Variants in FAM118B observed in about 807,000 individuals in gnomAD.
The protein encoded by FAM118B is protein FAM118B.
FAM118B carries 24 observed loss-of-function variants against 38.5 expected under a neutral mutation model. The observed-to-expected ratio is 0.62, with a 90% CI of 0.45 to 0.88. The LOEUF is 0.88. Ranked by LOEUF, FAM118B falls within the 40% of genes least tolerant of loss-of-function variation. The probability of loss-of-function intolerance (pLI) is 0.00; values close to 1 mark genes in which losing one functional copy is unlikely to be tolerated. For missense variants in FAM118B, 334 were observed against 420.0 expected (o/e 0.80, Z 1.79); for synonymous variants, 138 against 156.3 (o/e 0.88, Z 0.87).
At chr11:126,225,066 C>T (rs1341576640) in intron 1 of FAM118B, among the ~76,000 whole-genome samples, 1 of 152,206 alleles carries the variant, frequency 6.6e-6, no homozygotes, top group Non-Finnish European at 1.5e-5. Context: ...ATTCCAATTT[C>T]TAGATCTCCA....
chr11:126,216,960 G>A (rs139078088), intron 1 of FAM118B, among the ~76,000 whole-genome samples: 102 of 152,320 alleles, frequency 6.7e-4, no homozygotes, highest in Non-Finnish European at 1.1e-3. Context: ...CAAGGCAGGC[G>A]CCAGCCCTGG....
In FAM118B at chr11:126,211,803, T is replaced by G. The variant is rs1395394881; in HGVS notation, c.-104T>G. On this transcript the variant is annotated 5_prime_UTR_variant, in exon 1 of 9. Coordinates refer to ENST00000533050, the MANE Select transcript of FAM118B (RefSeq NM_024556.4). ...GGCTGCGCCGGCCGGTAGCTGCAGC[T>G]GGAGCAGTGGCGTTTGGAGGAGACT... 2.8e-6 allele frequency: 2 copies of G among 705,852 alleles called. No individual in the cohort carries two copies. The highest frequency in any genetic ancestry group is 2.7e-5 in the East Asian group (1 of 36,832). 43.7% of individuals were successfully genotyped at this position (705,852 alleles called of 1,614,324 possible). A position where few individuals can be genotyped will look rare whatever the true frequency, so the allele number is the denominator to read the frequency against.
chr11:126,242,407 T>C (rs546223579), intron 4 of FAM118B, among the ~76,000 whole-genome samples: 60 of 151,776 alleles, frequency 4.0e-4, no homozygotes, highest in Non-Finnish European at 7.6e-4. Flanking sequence ...CTGGACAACA[T>C]AGTGAGACCC....
rs760144208 is a variant in FAM118B, at chr11:126,262,101, CTT to C, written c.1043-16_1043-15del. The C allele has an allele frequency of 2.7e-5, 43 of 1,613,802 alleles. No homozygotes were observed. Among genetic ancestry groups the C allele is most frequent in the Admixed American group, 1.2e-4 (7 of 59,958 alleles). ...GTTTTGTGAAACTTCATTTTGTTCT[CTT>C]TTCTTTCTCCCTACAGGCTGTAGTA... On this transcript the variant is annotated splice_polypyrimidine_tract_variant and intron_variant, in intron 8 of 8. Transcript: ENST00000533050.
intron 4 of FAM118B, among the ~76,000 whole-genome samples, chr11:126,247,661 C>T (rs1241166051): frequency 6.6e-6 from 1 of 151,966 alleles, no homozygotes; most frequent in African/African-American, 2.4e-5. Context: ...AGTTCAAGAC[C>T]AGCCTAGCCA....
Position 126,250,394 on chromosome 11 carries a change from AT to A in FAM118B, c.340-111del. The stretch of plus-strand genomic sequence containing the variant: ...GCGTGAGCCACTGCGCCTGGCCTTT[AT>A]CTCTGTTTTGAATTCAAAATATTCT... On this transcript the variant is annotated intron_variant, in intron 4 of 8. Transcript: ENST00000533050. This position sits in a 1 kb window ranked among gnomAD's most constrained non-coding sequence, Gnocchi z 5.1. The A allele has an allele frequency of 1.4e-6, 1 of 722,510 alleles. No individual in the cohort carries two copies. The highest frequency in any genetic ancestry group is 2.7e-5 in the East Asian group (1 of 37,138). The allele number at this position is 722,510 out of a possible 1,614,324, so 44.8% of individuals were successfully genotyped here.
intron 1 of FAM118B, among the ~76,000 whole-genome samples, chr11:126,228,066 C>T (rs996907105): frequency 2.6e-5 from 4 of 151,994 alleles, no homozygotes; most frequent in African/African-American, 9.7e-5. Flanking sequence ...TCCCAAAATG[C>T]TGGGATTAGG....
rs372281096 is a variant in FAM118B at position 126,215,044 on chromosome 11, G to A, written c.-77+3214G>A. Among the ~76,000 whole-genome samples, 9 of 152,322 alleles carry A rather than the reference G, an allele frequency of 5.9e-5. No individual in the cohort carries two copies. The East Asian group carries it at 1.2e-3, about 20-fold the overall frequency. Reference sequence around the variant, plus strand: ...GTTTTATGGTTTTAGAGAGATTAAAGGAGGCAATTAGCAGGAACTCTTGGG... The same window carrying A: ...GTTTTATGGTTTTAGAGAGATTAAAAGAGGCAATTAGCAGGAACTCTTGGG... On this transcript the variant is annotated intron_variant, in intron 1 of 8. Coordinates refer to ENST00000533050, the MANE Select transcript of FAM118B (RefSeq NM_024556.4).
At chr11:126,217,667 T>C (rs139419690) in intron 1 of FAM118B, among the ~76,000 whole-genome samples, 33 of 152,362 alleles carry the variant, frequency 2.2e-4, no homozygotes, top group Non-Finnish European at 4.7e-4. Context: ...AACTGCTGCC[T>C]GGGGTCCTCC....
intron 1 of FAM118B, among the ~76,000 whole-genome samples, chr11:126,228,937 T>C (rs1297419321): frequency 6.6e-6 from 1 of 152,204 alleles, no homozygotes; most frequent in Non-Finnish European, 1.5e-5. Flanking sequence ...AGAATCTGCA[T>C]TTGTACGCAG....
chr11:126,254,524 T>G, intron 6 of FAM118B, 91 bp downstream of exon 6: 1 of 1,532,310 alleles, frequency 6.5e-7, no homozygotes, highest in Middle Eastern at 1.7e-4. Flanking sequence ...ACATCTTCTT[T>G]TCATTAAGTG....
chr11:126,262,811 C>T lies in FAM118B; in HGVS notation c.*678C>T, dbSNP rs1950728899. 6.6e-6 allele frequency: 1 copy of T among 152,526 alleles called. No individual in the cohort carries two copies. Among genetic ancestry groups the T allele is most frequent in the South Asian group, 2.1e-4 (1 of 4,826 alleles). 9.4% of individuals were successfully genotyped at this position (152,526 alleles called of 1,614,324 possible). On this transcript the variant is annotated 3_prime_UTR_variant, in exon 9 of 9. Coordinates refer to ENST00000533050, the MANE Select transcript of FAM118B (RefSeq NM_024556.4). ...AGGACAACCGTTTACTTACCTGATTCCTCGGAGCATTATCAACTTCTGCTC... is the reference window on the plus strand; with the variant it reads ...AGGACAACCGTTTACTTACCTGATTTCTCGGAGCATTATCAACTTCTGCTC...
Position 126,262,305 on chromosome 11 carries a change from A to G in FAM118B, c.*172A>G. On this transcript the variant is annotated 3_prime_UTR_variant, in exon 9 of 9. Transcript: ENST00000533050. ...ATGTTGCAGCGTAATCCTTCATACC[A>G]CCTGGTTCTTGATATTCTGCCGCCT... 1.6e-6 allele frequency: 1 copy of G among 626,710 alleles called. No individual in the cohort carries two copies. Among genetic ancestry groups the G allele is most frequent in the Non-Finnish European group, 2.8e-6 (1 of 362,890 alleles). 38.8% of individuals were successfully genotyped at this position (626,710 alleles called of 1,614,324 possible). A position where few individuals can be genotyped will look rare whatever the true frequency, so the allele number is the denominator to read the frequency against.
intron 2 of FAM118B, chr11:126,233,604 C>CA (rs1163720063): frequency 2.6e-6 from 1 of 389,782 alleles, no homozygotes; most frequent in African/African-American, 2.1e-5. Context: ...CCAACAGAAT[C>CA]AAAGATTTGA....
intron 1 of FAM118B, among the ~76,000 whole-genome samples, chr11:126,219,019 A>G (rs1045460554): frequency 6.6e-6 from 1 of 152,198 alleles, no homozygotes; most frequent in Non-Finnish European, 1.5e-5. Context: ...GAATTTGCGC[A>G]TTAGTTAAAT....
intron 1 of FAM118B, among the ~76,000 whole-genome samples, chr11:126,212,130 C>T (rs1328449604): frequency 6.6e-6 from 1 of 152,332 alleles, no homozygotes; most frequent in East Asian, 1.9e-4. Flanking sequence ...TGATCGGATG[C>T]CCGGATCTCT....
chr11:126,235,849 T>C (rs1269828074), intron 3 of FAM118B, among the ~76,000 whole-genome samples: 2 of 131,824 alleles, frequency 1.5e-5, no homozygotes, highest in Non-Finnish European at 3.0e-5. Flanking sequence ...ATTTACATTA[T>C]TACGACTGTA....
intron 1 of FAM118B, among the ~76,000 whole-genome samples, chr11:126,215,463 C>G (rs941185979): frequency 3.3e-5 from 5 of 152,104 alleles, no homozygotes; most frequent in African/African-American, 1.2e-4. Context: ...CTTTGGGAGG[C>G]CGAGGTGGGC....
At position 126,241,482 on chromosome 11, in the gene FAM118B, G is replaced by C. The variant is rs183019146; in HGVS notation, c.339+438G>C. On this transcript the variant is annotated intron_variant, in intron 4 of 8. Coordinates refer to ENST00000533050, the MANE Select transcript of FAM118B (RefSeq NM_024556.4). ...TAAGTCAAAATATTTAGAAGGAATTGCACCTTATTTTACCAAACTGAGTTG... is the reference window on the plus strand; with the variant it reads ...TAAGTCAAAATATTTAGAAGGAATTCCACCTTATTTTACCAAACTGAGTTG... 4.6e-5 allele frequency among the ~76,000 whole-genome samples: 7 copies of C among 152,250 alleles called. 1 individual carries two copies. The East Asian group carries it at 1.4e-3, about 29-fold the overall frequency.
Sources: gnomAD v4.1 joint callset for allele counts (sites outside exome capture counted in the v4.1 genomes callset) on GRCh38, gnomAD v4.1.1 for gene constraint, Gnocchi (gnomAD v3.1) non-coding constraint, MANE v1.5 for transcripts, NCBI Gene and HGNC (gene_info 2026-07-23, HGNC 2026-07-21) for gene names.